PCDHA1: variants seen among roughly 807,000 people sequenced by gnomAD.
PCDHA1 encodes the protein protocadherin alpha-1.
Under a neutral mutation model 61.3 loss-of-function variants are expected in PCDHA1, and 42 were observed. The ratio of observed to expected loss-of-function variants is 0.69; its 90% CI spans 0.54 to 0.89. PCDHA1 has a LOEUF of 0.89. Among genes scored for constraint, PCDHA1 ranks in the 40% least tolerant of loss-of-function variants. The pLI is 0.00. For synonymous variants in PCDHA1, 610 were observed against 553.8 expected, an observed-to-expected ratio of 1.10 and a Z score of -1.43; for missense variants, 1,256 against 1,235.3, an observed-to-expected ratio of 1.02 and a Z score of -0.25.
intron 1 of PCDHA1, chr5:140,828,557 G>A (rs2150156689): frequency 6.2e-7 from 1 of 1,614,210 alleles, no homozygotes; most frequent in South Asian, 1.1e-5. Context: ...TCCACTGGAG[G>A]GCGCGTCCGA....
chr5:140,825,706 G>A (rs1476381840), intron 1 of PCDHA1: 1 of 152,286 alleles, frequency 6.6e-6, no homozygotes, highest in Non-Finnish European at 1.5e-5. Context: ...GCAGGCATGA[G>A]CCATCGCGCC....
intron 1 of PCDHA1, among the ~76,000 whole-genome samples, chr5:140,933,268 T>A (rs2088999959): frequency 6.6e-6 from 1 of 151,986 alleles, no homozygotes; most frequent in Non-Finnish European, 1.5e-5. Context: ...TTATTATATA[T>A]TCATTTGGAA....
intron 1 of PCDHA1, chr5:140,855,859 C>T: frequency 1.4e-6 from 1 of 728,300 alleles, no homozygotes; most frequent in Non-Finnish European, 2.2e-6. Flanking sequence ...CCGGATGTCG[C>T]TGTCGTCCAC....
Position 141,010,149 on chromosome 5 carries a change from C to T in PCDHA1, c.*212C>T. 6.3e-7 allele frequency: 1 copy of T among 1,580,088 alleles called. No individual in the cohort carries two copies. Among genetic ancestry groups the T allele is most frequent in the Non-Finnish European group, 8.6e-7 (1 of 1,161,942 alleles). On this transcript the variant is annotated 3_prime_UTR_variant, in exon 4 of 4. Transcript: ENST00000504120. ...GTCTGGTGTTAACTCTTTCTCTCCA[C>T]TCTGGCTTGTTTTCAGAACCTAAAA...
In PCDHA1 at chr5:140,829,409, A is replaced by G. The variant is rs2150167358; in HGVS notation, c.2394+40725A>G. 6 of 1,614,026 alleles carry G rather than the reference A, an allele frequency of 3.7e-6. No individual in the cohort carries two copies. In the African/African-American group the frequency reaches 8.0e-5, roughly 22 times the overall value. On this transcript the variant is annotated intron_variant, in intron 1 of 3. Coordinates refer to ENST00000504120, the MANE Select transcript of PCDHA1 (RefSeq NM_018900.4). Reference sequence around the variant, plus strand: ...CTCGCCTTCGCTGTGGGCCACCGCCAGCTTGTCTGTGGAGGTGGCCGACAT... The same window carrying G: ...CTCGCCTTCGCTGTGGGCCACCGCCGGCTTGTCTGTGGAGGTGGCCGACAT...
chr5:140,869,502 C>T lies in PCDHA1; in HGVS notation c.2394+80818C>T, dbSNP rs2051182557. 3 of 1,614,090 alleles carry T rather than the reference C, an allele frequency of 1.9e-6. No homozygotes were observed. In the African/African-American group the frequency reaches 4.0e-5, roughly 22 times the overall value. On this transcript the variant is annotated intron_variant, in intron 1 of 3. Transcript: ENST00000504120. Reference sequence around the variant, plus strand: ...ACATTAACGACAACCCGCCGGTGTTCTCGCTCAGAGAACAAAAGCTGCTGA... The same window carrying T: ...ACATTAACGACAACCCGCCGGTGTTTTCGCTCAGAGAACAAAAGCTGCTGA...
At chr5:140,877,766 C>T in intron 1 of PCDHA1, 2 of 1,614,186 alleles carry the variant, frequency 1.2e-6, no homozygotes, top group South Asian at 2.2e-5. Flanking sequence ...GAGAGCCCGC[C>T]CAAGACGGAC....
intron 1 of PCDHA1, chr5:140,857,524 T>G (rs251363): frequency 0.63 from 998,871 of 1,597,030 alleles, 345,157 homozygotes; most frequent in African/African-American, 0.69. Context: ...TGTCCTACTC[T>G]CTGGTGGAGC....
Position 140,787,991 on chromosome 5 carries a change from G to T in PCDHA1, c.1701G>T (p.Ala567=). The change falls in exon 1 of 4, where the codon GCG becomes GCT. Residue 567 remains alanine, a synonymous_variant. Transcript: ENST00000504120. ...DENDNAPALL[A]PRVGGTIGAV... is the part of the protein sequence containing the mutation. ...ACGACAACGCGCCGGCGCTGCTGGC[G>T]CCTCGAGTGGGTGGCACTATTGGTG... 6.2e-7 allele frequency: 1 copy of T among 1,613,996 alleles called. No individual in the cohort carries two copies. The highest frequency in any genetic ancestry group is 8.5e-7 in the Non-Finnish European group (1 of 1,179,904).
intron 1 of PCDHA1, among the ~76,000 whole-genome samples, chr5:140,917,650 T>G (rs897307157): frequency 1.5e-4 from 23 of 152,226 alleles, no homozygotes; most frequent in African/African-American, 5.5e-4. Context: ...CCAGCAATAT[T>G]GAGTAGGAAG....
intron 1 of PCDHA1, among the ~76,000 whole-genome samples, chr5:140,947,550 G>A (rs967081376): frequency 7.3e-5 from 11 of 151,402 alleles, no homozygotes; most frequent in Admixed American, 3.9e-4. Flanking sequence ...AAAGAATTCC[G>A]CTGGGATTTA....
At chr5:140,932,946 G>A (rs1554209125) in intron 1 of PCDHA1, among the ~76,000 whole-genome samples, 1 of 151,982 alleles carries the variant, frequency 6.6e-6, no homozygotes, top group East Asian at 1.9e-4. Flanking sequence ...TGGAATGAAG[G>A]TGGACTAAAT....
chr5:140,934,349 T>C (rs1466597753), intron 1 of PCDHA1, among the ~76,000 whole-genome samples: 2 of 152,202 alleles, frequency 1.3e-5, no homozygotes, highest in African/African-American at 4.8e-5. Flanking sequence ...CAGTACAGTG[T>C]GGAGCCACTG....
intron 1 of PCDHA1, chr5:140,843,314 G>A (rs2150357213): frequency 6.3e-7 from 1 of 1,596,084 alleles, no homozygotes; most frequent in South Asian, 1.1e-5. Flanking sequence ...CACGGCCACG[G>A]TTCTGGTGTC....
chr5:140,790,822 A>G (rs950460826), intron 1 of PCDHA1, among the ~76,000 whole-genome samples: 1 of 152,236 alleles, frequency 6.6e-6, no homozygotes, highest in Non-Finnish European at 1.5e-5. Context: ...TGAATCACAA[A>G]TAATAGTGAA....
intron 1 of PCDHA1, chr5:140,796,969 T>C (rs142817543): frequency 7.3e-4 from 1,172 of 1,613,698 alleles, no homozygotes; most frequent in Non-Finnish European, 9.2e-4. Flanking sequence ...GTTAGTGTCG[T>C]TGGTGGAAAG....
At chr5:140,927,822 T>C in intron 1 of PCDHA1, 1 of 1,614,152 alleles carries the variant, frequency 6.2e-7, no homozygotes, top group Non-Finnish European at 8.5e-7. Context: ...AGGCATACAT[T>C]GAGGCGAGGG....
intron 1 of PCDHA1, chr5:140,967,270 C>G (rs782562333): frequency 6.2e-7 from 1 of 1,613,488 alleles, no homozygotes; most frequent in Non-Finnish European, 8.5e-7. Context: ...CGCGCTTTCA[C>G]ATAGAGAGTG....
Position 140,858,208 on chromosome 5 carries a change from G to A in PCDHA1, c.2394+69524G>A. 3 of 1,595,856 alleles carry A rather than the reference G, an allele frequency of 1.9e-6. 1 individual carries two copies. The highest frequency in any genetic ancestry group is 2.6e-6 in the Non-Finnish European group (3 of 1,166,438). ...CGCTGCTGCTGTACACTGCACTGAG[G>A]TGCTCGGCGGCGCCCACCGAGGGCG... On this transcript the variant is annotated intron_variant, in intron 1 of 3. Coordinates refer to ENST00000504120, the MANE Select transcript of PCDHA1 (RefSeq NM_018900.4).
Sources: gnomAD v4.1 joint callset for allele counts (sites outside exome capture counted in the v4.1 genomes callset) on GRCh38, gnomAD v4.1.1 for gene constraint, MANE v1.5 for transcripts, NCBI Gene and HGNC (gene_info 2026-07-23, HGNC 2026-07-21) for gene names.